Variants in OGFOD1 observed in about 807,000 individuals in gnomAD.
The protein encoded by OGFOD1 is 2-oxoglutarate and iron dependent oxygenase domain containing 1, also known as prolyl 3-hydroxylase OGFOD1.
In OGFOD1, 54 loss-of-function variants were observed where a neutral mutation model predicts 67.7. That is an observed-to-expected ratio of 0.80 (90% CI 0.64 to 1.00). OGFOD1 has a LOEUF of 1.00. OGFOD1 is among the 50% of genes least tolerant of loss of function. The pLI, the probability that OGFOD1 is intolerant of heterozygous loss-of-function variation, is 0.00. For missense variants in OGFOD1, 606 were observed against 646.7 expected (o/e 0.94, Z 0.68); for synonymous variants, 221 against 227.0 (o/e 0.97, Z 0.24).
intron 10 of OGFOD1, among the ~76,000 whole-genome samples, chr16:56,474,327 T>C (rs1963351025): frequency 6.6e-6 from 1 of 150,496 alleles, no homozygotes; most frequent in Non-Finnish European, 1.5e-5. Context: ...CTTTTTTTTT[T>C]TTTTTTTTTT....
intron 4 of OGFOD1, among the ~76,000 whole-genome samples, chr16:56,463,384 G>GTTTTTTTTTTTTTTTTTTTTTT (rs56388148): frequency 6.9e-5 from 3 of 43,786 alleles, no homozygotes; most frequent in African/African-American, 1.0e-4. Flanking sequence ...TCTTTTTTGG[G>GTTTTTTTTTTTTTTTTTTTTTT]TTTTTTTTTT....
At chr16:56,460,492 C>T (rs1311645808) in intron 3 of OGFOD1, among the ~76,000 whole-genome samples, 2 of 152,140 alleles carry the variant, frequency 1.3e-5, no homozygotes, top group East Asian at 1.9e-4. Flanking sequence ...TTATCTCTCA[C>T]ATTATCTGAA....
Position 56,467,981 on chromosome 16 carries a change from A to T in OGFOD1, c.863A>T (p.Glu288Val). The T allele has an allele frequency of 6.2e-7, 1 of 1,601,460 alleles. No individual in the cohort carries two copies. The highest frequency in any genetic ancestry group is 1.3e-5 in the African/African-American group (1 of 74,830). Residue 288 changes from glutamate (E) to valine (V), a missense_variant, in exon 8 of 13, where the codon GAA (glutamate) becomes GTA (valine). By Grantham distance (121) the Glu-to-Val change is moderately radical (BLOSUM62 -2). Coordinates refer to ENST00000566157, the MANE Select transcript of OGFOD1 (RefSeq NM_018233.4). The part of the protein sequence containing the change: ...DYQVQIQEEF[E>V]ESSEILLKEF... ...CAAGTTCAAATTCAAGAAGAGTTTG[A>T]AGAAAGTTCTGAAATTCTCCTGAAG...
At position 56,466,243 on chromosome 16, in the gene OGFOD1, T is replaced by A. The variant is rs1300752705; in HGVS notation, c.540T>A (p.Gly180=). ...LVPPWDRSMG[G]TLDLYSIDEH... ...CTCCCTGGGACAGGAGCATGGGTGGTACCCTGGACCTGTACAGCATTGATG... is the reference window on the plus strand; with the variant it reads ...CTCCCTGGGACAGGAGCATGGGTGGAACCCTGGACCTGTACAGCATTGATG... The change falls in exon 5 of 13, where the codon GGT becomes GGA. Residue 180 remains glycine (G), a synonymous_variant. Coordinates refer to ENST00000566157, the MANE Select transcript of OGFOD1 (RefSeq NM_018233.4). The A allele has an allele frequency of 6.2e-7, 1 of 1,612,948 alleles. No individual in the cohort carries two copies. The highest frequency in any genetic ancestry group is 2.2e-5 in the East Asian group (1 of 44,882).
chr16:56,464,795 G>A (rs1318791626), intron 4 of OGFOD1, among the ~76,000 whole-genome samples: 1 of 151,766 alleles, frequency 6.6e-6, no homozygotes, highest in Non-Finnish European at 1.5e-5. Flanking sequence ...GTCCTAGAAT[G>A]ACCTGGAGTT....
At chr16:56,464,581 T>C (rs72814488) in intron 4 of OGFOD1, among the ~76,000 whole-genome samples, 28,189 of 152,108 alleles carry the variant, frequency 0.19, 2,892 homozygotes, top group Non-Finnish European at 0.24. Context: ...TATATTGGTA[T>C]GGATTTATGG....
intron 12 of OGFOD1, among the ~76,000 whole-genome samples, chr16:56,475,767 T>C (rs1963441633): frequency 6.6e-6 from 1 of 152,228 alleles, no homozygotes; most frequent in Non-Finnish European, 1.5e-5. Context: ...TTTACCCTCC[T>C]GAGAAATTCC....
intron 3 of OGFOD1, among the ~76,000 whole-genome samples, chr16:56,459,238 G>T (rs1177477115): frequency 6.6e-6 from 1 of 152,020 alleles, no homozygotes; most frequent in African/African-American, 2.4e-5. Flanking sequence ...TACTCAGGAG[G>T]CTGAGGCAGG....
intron 3 of OGFOD1, 133 bp from the exon 4 acceptor site, chr16:56,462,401 A>C (rs1476904804): frequency 9.7e-6 from 6 of 619,990 alleles, no homozygotes; most frequent in South Asian, 1.9e-5. Flanking sequence ...GAATGTCTCA[A>C]ATGAGATCGG....
At chr16:56,467,410 CTTTT>C in intron 7 of OGFOD1, 117 bp downstream of exon 7, 1 of 1,090,802 alleles carries the variant, frequency 9.2e-7, no homozygotes, top group Admixed American at 2.5e-5. Flanking sequence ...CCCCTTTCCA[CTTTT>C]CTTTTTTTTT....
intron 3 of OGFOD1, among the ~76,000 whole-genome samples, chr16:56,460,263 T>TTA (rs1962669715): frequency 6.6e-6 from 1 of 152,248 alleles, no homozygotes; most frequent in Non-Finnish European, 1.5e-5. Context: ...AACTCCGTAA[T>TTA]CGTTACAGAG....
At chr16:56,458,829 A>G (rs930400763) in intron 3 of OGFOD1, 128 of 495,132 alleles carry the variant, frequency 2.6e-4, no homozygotes, top group Non-Finnish European at 4.1e-4. Context: ...TAAAATGCTC[A>G]ATCTTGTTAG....
intron 3 of OGFOD1, among the ~76,000 whole-genome samples, chr16:56,461,345 G>A (rs893540493): frequency 6.6e-5 from 10 of 152,182 alleles, no homozygotes; most frequent in Admixed American, 4.6e-4. Flanking sequence ...TGGAAGTGCT[G>A]GGAGGGTGGT....
Position 56,462,586 on chromosome 16 carries a change from G to T in OGFOD1, c.400G>T (p.Asp134Tyr), listed in dbSNP as rs762913518. ...CTGGCTTTCTGATATTTCTAAAATT[G>T]ACCTGGAATCAACCATTGACATGTC... is the stretch of plus-strand genomic sequence containing the variant. ...RSWLSDISKI[D>Y]LESTIDMSCA... Residue 134 changes from aspartate to tyrosine, a missense_variant, in exon 4 of 13, where the codon GAC becomes TAC. Physicochemically the swap from Asp to Tyr is radical, Grantham distance 160 (BLOSUM62 -3). Transcript: ENST00000566157. 3.1e-6 allele frequency: 5 copies of T among 1,613,064 alleles called. No individual in the cohort carries two copies. The South Asian group carries it at 3.3e-5, about 11-fold the overall frequency.
rs762862512 is a variant in OGFOD1, at chr16:56,451,611, A to G, written c.-2A>G. On this transcript the variant is annotated 5_prime_UTR_variant, in exon 1 of 13. Transcript: ENST00000566157. The stretch of plus-strand genomic sequence containing the variant: ...TGGCGTGGTTCTGTGCCTTGGGAAG[A>G]GATGAATGGGAAGCGGCCAGCGGAG... The G allele has an allele frequency of 1.9e-6, 3 of 1,613,534 alleles. No homozygotes were observed. The highest frequency in any genetic ancestry group is 2.5e-6 in the Non-Finnish European group (3 of 1,179,986).
intron 7 of OGFOD1, 95 bp downstream of exon 7, chr16:56,467,388 A>C: frequency 7.5e-7 from 1 of 1,333,298 alleles, no homozygotes; most frequent in South Asian, 1.3e-5. Context: ...ATGAAACTGG[A>C]CCTTGAGCTT....
At position 56,474,988 on chromosome 16, in the gene OGFOD1, T is replaced by C. The variant is rs370319709; in HGVS notation, c.1408+38T>C. 2.6e-5 allele frequency: 42 copies of C among 1,607,896 alleles called. 1 individual carries two copies. In the Middle Eastern group the frequency reaches 5.0e-4, roughly 19 times the overall value. ...AAAGCAAGCGGTGGATTATTCCCCG[T>C]AGGAGGGGCAGTCTCTTCTGAGGGA... is the stretch of plus-strand genomic sequence containing the variant. On this transcript the variant is annotated intron_variant, in intron 11 of 12. Coordinates refer to ENST00000566157, the MANE Select transcript of OGFOD1 (RefSeq NM_018233.4).
At chr16:56,462,239 G>A (rs1962735799) in intron 3 of OGFOD1, among the ~76,000 whole-genome samples, 1 of 152,152 alleles carries the variant, frequency 6.6e-6, no homozygotes, top group Non-Finnish European at 1.5e-5. Context: ...CCATGACAGG[G>A]CATACTTTAA....
At chr16:56,470,460 G>C in intron 9 of OGFOD1, 27 bp from the exon 10 acceptor site, 1 of 1,569,516 alleles carries the variant, frequency 6.4e-7, no homozygotes, top group Non-Finnish European at 8.6e-7. Context: ...TGGCTTTGAT[G>C]AACAACTTGA....
Sources: gnomAD v4.1 joint callset for allele counts (sites outside exome capture counted in the v4.1 genomes callset) on GRCh38, gnomAD v4.1.1 for gene constraint, MANE v1.5 for transcripts, NCBI Gene and HGNC (gene_info 2026-07-23, HGNC 2026-07-21) for gene names.